Variants in ARHGAP15 observed in about 807,000 individuals in gnomAD.
The protein encoded by ARHGAP15 is Rho GTPase activating protein 15.
ARHGAP15 carries 51 observed loss-of-function variants against 63.7 expected under a neutral mutation model. The observed-to-expected ratio is 0.80, with a 90% CI of 0.64 to 1.01. The LOEUF (loss-of-function observed/expected upper bound fraction) is 1.01, where lower values mean the gene tolerates loss of function less well. Ranked by LOEUF, ARHGAP15 falls within the 50% of genes least tolerant of loss-of-function variation. ARHGAP15 has a pLI of 0.00. For synonymous variants in ARHGAP15, 191 were observed against 193.8 expected, an observed-to-expected ratio of 0.99 and a Z score of 0.12; for missense variants, 560 against 564.6, an observed-to-expected ratio of 0.99 and a Z score of 0.08.
rs538067183 is a variant in ARHGAP15, at chr2:143,595,704, G to T, written c.1004-28429G>T. ...TGAGATTGTGATGGAGGAGGAATTT[G>T]CTTTAATATCTTGCCCACTCATCCT... On this transcript the variant is annotated intron_variant, in intron 11 of 13. Coordinates refer to ENST00000295095, the MANE Select transcript of ARHGAP15 (RefSeq NM_018460.4). Among the ~76,000 whole-genome samples, 14 of 152,218 alleles carry T rather than the reference G, an allele frequency of 9.2e-5. No individual in the cohort carries two copies. The South Asian group carries it at 2.9e-3, about 32-fold the overall frequency.
intron 9 of ARHGAP15, among the ~76,000 whole-genome samples, chr2:143,505,705 A>G (rs1693279865): frequency 1.3e-5 from 2 of 152,180 alleles, no homozygotes; most frequent in South Asian, 4.2e-4. Context: ...CCTTCTGCAG[A>G]ACCACATGAT....
rs1192317464 is a variant in ARHGAP15 at position 143,582,883 on chromosome 2, A to T, written c.1003+26398A>T. ...TTAACACCAGATTGATAGTTCCTTTAGCAAAGCTAAATCTTGAAAGCTGTT... is the reference window on the plus strand; with the variant it reads ...TTAACACCAGATTGATAGTTCCTTTTGCAAAGCTAAATCTTGAAAGCTGTT... On this transcript the variant is annotated intron_variant, in intron 11 of 13. Coordinates refer to ENST00000295095, the MANE Select transcript of ARHGAP15 (RefSeq NM_018460.4). Among the ~76,000 whole-genome samples, 2 of 152,254 alleles carry T rather than the reference A, an allele frequency of 1.3e-5. 1 individual carries two copies. The highest frequency in any genetic ancestry group is 4.1e-4 in the South Asian group (2 of 4,838).
At chr2:143,207,318 G>T (rs983124695) in intron 3 of ARHGAP15, among the ~76,000 whole-genome samples, 1 of 151,840 alleles carries the variant, frequency 6.6e-6, no homozygotes, top group Non-Finnish European at 1.5e-5. Context: ...CTCTATTTTA[G>T]CCCCAATGAC....
At chr2:143,164,848 T>C (rs1452183694) in intron 2 of ARHGAP15, among the ~76,000 whole-genome samples, 1 of 152,016 alleles carries the variant, frequency 6.6e-6, no homozygotes, top group Non-Finnish European at 1.5e-5. Flanking sequence ...AAACCATTGA[T>C]AACAAAAATT....
chr2:143,762,823 G>A (rs928273242), intron 13 of ARHGAP15, among the ~76,000 whole-genome samples: 9 of 152,060 alleles, frequency 5.9e-5, no homozygotes, highest in South Asian at 4.2e-4. Context: ...GCCATTTTTC[G>A]TGAAGCATAT....
At chr2:143,223,707 A>G (rs897769659) in intron 4 of ARHGAP15, among the ~76,000 whole-genome samples, 1 of 152,098 alleles carries the variant, frequency 6.6e-6, no homozygotes, top group Non-Finnish European at 1.5e-5. Context: ...AGTGTTCCTT[A>G]TCTCCCCCTC....
chr2:143,686,047 C>G (rs1262730700), intron 12 of ARHGAP15, among the ~76,000 whole-genome samples: 2 of 152,032 alleles, frequency 1.3e-5, no homozygotes, highest in African/African-American at 4.8e-5. Context: ...GTGAAAAGGT[C>G]CATTGCTTGA....
chr2:143,273,427 G>A (rs1681394591), intron 6 of ARHGAP15, among the ~76,000 whole-genome samples: 1 of 151,930 alleles, frequency 6.6e-6, no homozygotes, highest in South Asian at 2.1e-4. Context: ...AGTTAAAGGT[G>A]CACTTAATAC....
chr2:143,258,945 G>A (rs1300841801), intron 6 of ARHGAP15, among the ~76,000 whole-genome samples: 1 of 151,896 alleles, frequency 6.6e-6, no homozygotes, highest in East Asian at 1.9e-4. Context: ...ACAAATTGCT[G>A]AAGCACCTTG....
At chr2:143,214,449 T>C (rs1446520404) in intron 3 of ARHGAP15, among the ~76,000 whole-genome samples, 3 of 152,174 alleles carry the variant, frequency 2.0e-5, no homozygotes, top group African/African-American at 7.2e-5. Context: ...ATATGGGTTT[T>C]ACGAGGTAGA....
chr2:143,249,771 A>T (rs1680056283), intron 5 of ARHGAP15, among the ~76,000 whole-genome samples: 1 of 152,158 alleles, frequency 6.6e-6, no homozygotes, highest in Non-Finnish European at 1.5e-5. Context: ...AATTATTGAA[A>T]TAAAAAACAT....
intron 11 of ARHGAP15, among the ~76,000 whole-genome samples, chr2:143,598,278 A>C (rs1303762152): frequency 6.6e-6 from 1 of 152,212 alleles, no homozygotes; most frequent in Non-Finnish European, 1.5e-5. Flanking sequence ...TGTGTGGTGT[A>C]AAATAAAAGT....
intron 12 of ARHGAP15, among the ~76,000 whole-genome samples, chr2:143,686,383 C>CAAAAAA (rs35554349): frequency 9.1e-5 from 5 of 55,080 alleles, no homozygotes; most frequent in African/African-American, 2.5e-4. Flanking sequence ...GACTCTGTCT[C>CAAAAAA]AAAAAAAAAA....
At chr2:143,624,101 C>T in intron 11 of ARHGAP15, 32 bp from the exon 12 acceptor site, 1 of 1,608,870 alleles carries the variant, frequency 6.2e-7, no homozygotes, top group Non-Finnish European at 8.5e-7. Flanking sequence ...TCATTAAAAC[C>T]AGTTGTTCCA....
chr2:143,552,184 C>T (rs1182235344), intron 10 of ARHGAP15, among the ~76,000 whole-genome samples: 9 of 152,170 alleles, frequency 5.9e-5, no homozygotes, highest in African/African-American at 9.6e-5. Flanking sequence ...TCCCAGCCCA[C>T]ATTTGCAGAC....
intron 13 of ARHGAP15, among the ~76,000 whole-genome samples, chr2:143,704,661 A>T (rs1684246591): frequency 6.6e-6 from 1 of 152,180 alleles, no homozygotes; most frequent in Admixed American, 6.6e-5. Flanking sequence ...GTGCAACGCA[A>T]GTTATGAGGT....
chr2:143,654,986 A>G (rs1414784320), intron 12 of ARHGAP15, among the ~76,000 whole-genome samples: 1 of 152,010 alleles, frequency 6.6e-6, no homozygotes, highest in Non-Finnish European at 1.5e-5. Context: ...ATTCCCAGCT[A>G]CTCCAGAGGC....
chr2:143,331,142 G>A (rs1229943768), intron 6 of ARHGAP15, among the ~76,000 whole-genome samples: 1 of 152,122 alleles, frequency 6.6e-6, no homozygotes, highest in Non-Finnish European at 1.5e-5. Flanking sequence ...ATAAACCAGA[G>A]TTGTCTTTTA....
chr2:143,167,329 T>A (rs1276081334), intron 2 of ARHGAP15, among the ~76,000 whole-genome samples: 1 of 152,126 alleles, frequency 6.6e-6, no homozygotes, highest in African/African-American at 2.4e-5. Flanking sequence ...TTGCTGGCCA[T>A]TTTACTAACG....
Sources: allele counts gnomAD v4.1 joint callset (sites outside exome capture counted in the v4.1 genomes callset), GRCh38; gene constraint gnomAD v4.1.1; transcripts MANE v1.5; gene names NCBI Gene and HGNC (gene_info 2026-07-23, HGNC 2026-07-21).